Variants in TANGO6 observed in about 807,000 individuals in gnomAD.
TANGO6 encodes the protein transport and Golgi organization protein 6 homolog.
Under a neutral mutation model 114.2 loss-of-function variants are expected in TANGO6, and 90 were observed. The observed-to-expected ratio is 0.79, with a 90% CI of 0.66 to 0.94. TANGO6 has a LOEUF of 0.94. Ranked by LOEUF, TANGO6 falls within the 40% of genes least tolerant of loss-of-function variation. The probability of loss-of-function intolerance (pLI) is 0.00; values close to 1 mark genes in which losing one functional copy is unlikely to be tolerated. For synonymous variants in TANGO6, 477 were observed against 509.8 expected, an observed-to-expected ratio of 0.94 and a Z score of 0.87; for missense variants, 1,274 against 1,315.3, an observed-to-expected ratio of 0.97 and a Z score of 0.49.
intron 14 of TANGO6, among the ~76,000 whole-genome samples, chr16:68,931,605 C>T (rs998773734): frequency 6.6e-6 from 1 of 152,182 alleles, no homozygotes; most frequent in East Asian, 1.9e-4. Flanking sequence ...ACAATATGGA[C>T]GAACCTTGAA....
At position 68,974,186 on chromosome 16, in the gene TANGO6, A is replaced by G; in HGVS notation, c.2842+18A>G. On this transcript the variant is annotated intron_variant, in intron 15 of 17. Transcript: ENST00000261778. The stretch of plus-strand genomic sequence containing the variant: ...GGCATTAGGTGAGTTTTCTTGTTCC[A>G]TCCACCTGGAAAAGGGTGGAGGATC... 1.2e-6 allele frequency: 2 copies of G among 1,613,738 alleles called. No homozygotes were observed. The highest frequency in any genetic ancestry group is 1.7e-6 in the Non-Finnish European group (2 of 1,179,750).
intron 17 of TANGO6, among the ~76,000 whole-genome samples, chr16:69,048,767 C>T (rs1460327033): frequency 1.3e-5 from 2 of 152,184 alleles, no homozygotes; most frequent in Non-Finnish European, 2.9e-5. Flanking sequence ...ATATGATGCT[C>T]TGCTTTTTTA....
At chr16:69,069,641 C>T (rs1244748997) in intron 17 of TANGO6, among the ~76,000 whole-genome samples, 1 of 152,078 alleles carries the variant, frequency 6.6e-6, no homozygotes, top group African/African-American at 2.4e-5. Context: ...GCGTGTTATT[C>T]CTCTGTTTTT....
At chr16:69,001,524 CACAG>C (rs1158136762) in intron 15 of TANGO6, among the ~76,000 whole-genome samples, 1 of 152,200 alleles carries the variant, frequency 6.6e-6, no homozygotes, top group African/African-American at 2.4e-5. Flanking sequence ...CATATAAATA[CACAG>C]ACAGACAGAA....
At chr16:69,038,997 C>T (rs1231587549) in intron 16 of TANGO6, among the ~76,000 whole-genome samples, 1 of 152,124 alleles carries the variant, frequency 6.6e-6, no homozygotes, top group Admixed American at 6.6e-5. Flanking sequence ...TCCTGGCTAA[C>T]ACGGTGAAAA....
intron 16 of TANGO6, chr16:69,035,159 C>T (rs1357182428): frequency 3.3e-5 from 5 of 152,142 alleles, no homozygotes; most frequent in African/African-American, 1.2e-4. Context: ...AGTTTTGCCA[C>T]AATCAGTGCA....
In TANGO6 at chr16:68,859,900, A is replaced by G; in HGVS notation, c.111A>G (p.Ser37=). Residue 37 remains serine, a synonymous_variant, in exon 2 of 18, where the codon TCA becomes TCG. Coordinates refer to ENST00000261778, the MANE Select transcript of TANGO6 (RefSeq NM_024562.2). ...CTTCAAAAGGCTCGGGCTCAAGTTCACTACAGGTCACAAAACATGATGTCT... is the reference window on the plus strand; with the variant it reads ...CTTCAAAAGGCTCGGGCTCAAGTTCGCTACAGGTCACAAAACATGATGTCT... ...LLSPGGSGSS[S]LQVTKHDVLL... The G allele has an allele frequency of 6.3e-7, 1 of 1,580,686 alleles. No homozygotes were observed. Among genetic ancestry groups the G allele is most frequent in the Non-Finnish European group, 8.6e-7 (1 of 1,164,954 alleles).
At chr16:68,879,876 A>G (rs1045223965) in intron 6 of TANGO6, among the ~76,000 whole-genome samples, 2 of 151,830 alleles carry the variant, frequency 1.3e-5, no homozygotes, top group African/African-American at 4.8e-5. Flanking sequence ...TCGGCCTCCT[A>G]AAGTGCTGGG....
chr16:68,987,924 A>G (rs1404306315), intron 15 of TANGO6, among the ~76,000 whole-genome samples: 2 of 152,166 alleles, frequency 1.3e-5, no homozygotes, highest in Non-Finnish European at 2.9e-5. Context: ...GCAACTTTTC[A>G]TATGCTTATT....
intron 1 of TANGO6, among the ~76,000 whole-genome samples, chr16:68,844,964 ACT>A (rs1377806400): frequency 7.4e-6 from 1 of 135,720 alleles, no homozygotes; most frequent in African/African-American, 3.1e-5. Context: ...TCTAACGGCA[ACT>A]CTTTTTTTTT....
At chr16:69,010,650 AGTGC>A (rs1964135074) in intron 15 of TANGO6, among the ~76,000 whole-genome samples, 1 of 152,192 alleles carries the variant, frequency 6.6e-6, no homozygotes, top group Non-Finnish European at 1.5e-5. Context: ...ATTAGGTTTA[AGTGC>A]TCCCTCCTCC....
At chr16:69,019,449 C>A in intron 15 of TANGO6, among the ~76,000 whole-genome samples, 1 of 152,146 alleles carries the variant, frequency 6.6e-6, no homozygotes. Context: ...AGAAAGTACT[C>A]CTTTATCTTT....
intron 17 of TANGO6, among the ~76,000 whole-genome samples, chr16:69,063,777 T>C (rs1960167800): frequency 7.2e-6 from 1 of 139,264 alleles, no homozygotes; most frequent in Non-Finnish European, 1.5e-5. Flanking sequence ...AGCGTAGCCA[T>C]ACTTTTCTTC....
At chr16:68,895,304 A>G (rs563001493) in intron 7 of TANGO6, among the ~76,000 whole-genome samples, 2 of 152,272 alleles carry the variant, frequency 1.3e-5, no homozygotes, top group Admixed American at 6.5e-5. Flanking sequence ...AGGCGAGATC[A>G]TGCCACTGCA....
At chr16:68,971,653 CAG>C (rs1359691498) in intron 14 of TANGO6, among the ~76,000 whole-genome samples, 19 of 151,610 alleles carry the variant, frequency 1.3e-4, no homozygotes, top group Admixed American at 1.2e-3. Context: ...TTTTTTGAGA[CAG>C]AGTTTCACTA....
intron 14 of TANGO6, among the ~76,000 whole-genome samples, chr16:68,958,505 A>AAGAG (rs547265799): frequency 6.8e-6 from 1 of 146,122 alleles, no homozygotes; most frequent in Non-Finnish European, 1.5e-5. Context: ...AAAAAAAAAA[A>AAGAG]AGAGAGAGGA....
At chr16:69,022,530 C>T (rs542065602) in intron 15 of TANGO6, among the ~76,000 whole-genome samples, 29 of 152,084 alleles carry the variant, frequency 1.9e-4, no homozygotes, top group Admixed American at 1.8e-3. Flanking sequence ...ATGGCAAAAC[C>T]CCATTTCCAC....
At chr16:68,929,141 ACTC>A (rs1315790080) in intron 13 of TANGO6, among the ~76,000 whole-genome samples, 1 of 150,540 alleles carries the variant, frequency 6.6e-6, no homozygotes, top group East Asian at 2.0e-4. Flanking sequence ...CTGGTGTTGA[ACTC>A]CTCACATCAA....
Position 68,866,975 on chromosome 16 carries a change from CTTTTTTTTTTTTTT to C in TANGO6, c.853-92_853-79del, listed in dbSNP as rs536677611. 6 of 227,472 alleles carry C rather than the reference CTTTTTTTTTTTTTT, an allele frequency of 2.6e-5. 1 individual carries two copies. Among genetic ancestry groups the C allele is most frequent in the Non-Finnish European group, 4.8e-5 (6 of 123,916 alleles). 14.1% of individuals were successfully genotyped at this position (227,472 alleles called of 1,614,324 possible). A position where few individuals can be genotyped will look rare whatever the true frequency, so the allele number is the denominator to read the frequency against. On this transcript the variant is annotated intron_variant, in intron 3 of 17. Coordinates refer to ENST00000261778, the MANE Select transcript of TANGO6 (RefSeq NM_024562.2). ...AGTCTGCATATCATAGCTATTTCTC[CTTTTTTTTTTTTTT>C]TTTTTTTTTTTACAGGCATGAGCCA... is the stretch of plus-strand genomic sequence containing the variant.
Sources: allele counts gnomAD v4.1 joint callset (sites outside exome capture counted in the v4.1 genomes callset), GRCh38; gene constraint gnomAD v4.1.1; transcripts MANE v1.5; gene names NCBI Gene and HGNC (gene_info 2026-07-23, HGNC 2026-07-21).